ANXA4: variants seen among roughly 807,000 people sequenced by gnomAD.
ANXA4 encodes annexin A4, also known as 35-beta calcimedin.
In ANXA4, 39 loss-of-function variants were observed where a neutral mutation model predicts 49.8. The ratio of observed to expected loss-of-function variants is 0.78; its 90% CI spans 0.61 to 1.02. ANXA4 has a LOEUF of 1.02. Among genes scored for constraint, ANXA4 ranks in the 50% least tolerant of loss-of-function variants. ANXA4 has a pLI of 0.00. For missense variants in ANXA4, 360 were observed against 410.1 expected (o/e 0.88, Z 1.05); for synonymous variants, 134 against 152.5 (o/e 0.88, Z 0.89).
intron 2 of ANXA4, among the ~76,000 whole-genome samples, chr2:69,702,809 G>A (rs997649355): frequency 3.3e-5 from 5 of 152,022 alleles, no homozygotes; most frequent in African/African-American, 7.2e-5. Context: ...TTTTTAAAAC[G>A]TAACTATAAA....
At chr2:69,804,159 A>AAAAT in intron 3 of ANXA4, among the ~76,000 whole-genome samples, 1 of 145,268 alleles carries the variant, frequency 6.9e-6, no homozygotes, top group African/African-American at 2.7e-5. Flanking sequence ...AAAAAAAAAA[A>AAAAT]TATTCTAGAG....
At chr2:69,793,388 A>AG (rs1672784180) in intron 3 of ANXA4, among the ~76,000 whole-genome samples, 1 of 152,112 alleles carries the variant, frequency 6.6e-6, no homozygotes, top group Admixed American at 6.5e-5. Context: ...ATTTTTAAAG[A>AG]TTAAAGTCAC....
At chr2:69,712,268 C>T (rs1436249494) in intron 2 of ANXA4, among the ~76,000 whole-genome samples, 1 of 152,082 alleles carries the variant, frequency 6.6e-6, no homozygotes, top group Non-Finnish European at 1.5e-5. Flanking sequence ...TGGAAGCAAA[C>T]CAAGAGACAG....
intron 7 of ANXA4, 45 bp from the exon 8 acceptor site, chr2:69,812,608 A>G (rs1673756261): frequency 6.5e-7 from 1 of 1,542,936 alleles, no homozygotes; most frequent in Non-Finnish European, 8.9e-7. Flanking sequence ...CCAGATCTTC[A>G]TGTATACTCT....
At chr2:69,647,388 T>TTTTTTTTA (rs1676046940) in intron 1 of ANXA4, among the ~76,000 whole-genome samples, 1 of 145,948 alleles carries the variant, frequency 6.9e-6, no homozygotes, top group Admixed American at 6.8e-5. Flanking sequence ...TTTATTTTTA[T>TTTTTTTTA]TTTATTTATT....
chr2:69,742,739 C>T (rs1299794954), intron 1 of ANXA4, among the ~76,000 whole-genome samples: 1 of 152,126 alleles, frequency 6.6e-6, no homozygotes, highest in Non-Finnish European at 1.5e-5. Context: ...TTTGTCATGA[C>T]TTTGACCAGC....
intron 3 of ANXA4, among the ~76,000 whole-genome samples, chr2:69,733,172 T>C (rs150066976): frequency 6.6e-6 from 1 of 152,366 alleles, no homozygotes; most frequent in East Asian, 1.9e-4. Context: ...AAAATGTTTA[T>C]TTACTTAATG....
chr2:69,811,907 CCAT>C (rs1283930445), intron 7 of ANXA4, among the ~76,000 whole-genome samples: 1 of 152,076 alleles, frequency 6.6e-6, no homozygotes, highest in African/African-American at 2.4e-5. Context: ...CATGCCTAGA[CCAT>C]GGAACATCGA....
At chr2:69,701,017 C>T (rs1261916953) in intron 2 of ANXA4, among the ~76,000 whole-genome samples, 2 of 152,040 alleles carry the variant, frequency 1.3e-5, no homozygotes, top group African/African-American at 4.8e-5. Flanking sequence ...GGATTACAGG[C>T]ACCCGCCACC....
rs1202589025 is a variant in ANXA4 at position 69,807,969 on chromosome 2, C to T, written c.370C>T (p.Arg124Trp). 1.9e-6 allele frequency: 3 copies of T among 1,613,994 alleles called. No individual in the cohort carries two copies. The highest frequency in any genetic ancestry group is 1.7e-6 in the Non-Finnish European group (2 of 1,180,014). ...GGCCTCCCGGACCCCTGAGGAGATC[C>T]GGCGCATAAGCCAAACCTACCAGCA... ...ILASRTPEEIRRISQTYQQQY... is the reference protein window; with the variant it reads ...ILASRTPEEIWRISQTYQQQY... The change falls in exon 6 of 13, where the codon CGG (arginine) becomes TGG (tryptophan). Residue 124 changes from arginine to tryptophan, a missense_variant. Arg to Trp is a moderately radical substitution (Grantham distance 101). Transcript: ENST00000394295.
chr2:69,653,899 ATTCT>A (rs1403257478), intron 2 of ANXA4, among the ~76,000 whole-genome samples: 4 of 152,286 alleles, frequency 2.6e-5, no homozygotes, highest in South Asian at 2.1e-4. Context: ...CACAATATTG[ATTCT>A]TTCTATCTAT....
chr2:69,770,909 C>T (rs980800559), intron 1 of ANXA4, among the ~76,000 whole-genome samples: 3 of 149,628 alleles, frequency 2.0e-5, no homozygotes, highest in South Asian at 2.1e-4. Flanking sequence ...GGCAATGCAG[C>T]GAGGCCTTGT....
At chr2:69,805,046 CAAAA>C (rs60172949) in intron 4 of ANXA4, among the ~76,000 whole-genome samples, 6 of 35,870 alleles carry the variant, frequency 1.7e-4, no homozygotes, top group African/African-American at 3.1e-4. Context: ...GACTCCATCT[CAAAA>C]AAAAAAAAAA....
chr2:69,770,984 C>T (rs1671687658), intron 1 of ANXA4, among the ~76,000 whole-genome samples: 1 of 149,976 alleles, frequency 6.7e-6, no homozygotes, highest in African/African-American at 2.5e-5. Context: ...GTTCCAGCTA[C>T]TCGGGAGGCT....
chr2:69,786,031 T>C (rs1293123678), intron 2 of ANXA4, among the ~76,000 whole-genome samples: 1 of 152,196 alleles, frequency 6.6e-6, no homozygotes, highest in Non-Finnish European at 1.5e-5. Flanking sequence ...GGATGTGACC[T>C]CTAGACTTAT....
At chr2:69,746,199 A>G (rs534188518) in intron 1 of ANXA4, among the ~76,000 whole-genome samples, 1 of 152,018 alleles carries the variant, frequency 6.6e-6, no homozygotes, top group African/African-American at 2.4e-5. Context: ...TTTAGTGGAG[A>G]CGGGGTTTCA....
chr2:69,748,201 C>T (rs1670694769), intron 1 of ANXA4, among the ~76,000 whole-genome samples: 1 of 151,718 alleles, frequency 6.6e-6, no homozygotes, highest in Non-Finnish European at 1.5e-5. Context: ...TGGTGAAACC[C>T]CGTCTCTACT....
rs73935630 is a variant in ANXA4, at chr2:69,708,417, G to A, written n.767-12357G>A. On this transcript the variant is annotated intron_variant and non_coding_transcript_variant, in intron 2 of 3. Coordinates refer to the ANXA4 transcript ENST00000418066. Reference sequence around the variant, plus strand: ...TAAGTATTTTAAGGCTGTCCATGGCGAAACCCTGTCTCTACAAAAAATACA... The same window carrying A: ...TAAGTATTTTAAGGCTGTCCATGGCAAAACCCTGTCTCTACAAAAAATACA... 9.8e-3 allele frequency among the ~76,000 whole-genome samples: 1,489 copies of A among 152,268 alleles called. 25 individuals carry two copies. Among genetic ancestry groups the A allele is most frequent in the East Asian group, 0.074 (386 of 5,184 alleles).
intron 2 of ANXA4, among the ~76,000 whole-genome samples, chr2:69,681,725 A>G (rs1022384077): frequency 3.3e-5 from 5 of 152,146 alleles, no homozygotes; most frequent in African/African-American, 1.2e-4. Context: ...CAAAAAGACA[A>G]CTTTTCATTT....
Sources: allele counts gnomAD v4.1 joint callset (sites outside exome capture counted in the v4.1 genomes callset), GRCh38; gene constraint gnomAD v4.1.1; transcripts MANE v1.5; gene names NCBI Gene and HGNC (gene_info 2026-07-23, HGNC 2026-07-21).